The following SBNO2 variants were observed in gnomAD, a reference collection of about 807,000 sequenced individuals.
The protein encoded by SBNO2 is protein strawberry notch homolog 2.
SBNO2 carries 89 observed loss-of-function variants against 146.3 expected under a neutral mutation model. That is an observed-to-expected ratio of 0.61 (90% CI 0.51 to 0.73). The LOEUF (loss-of-function observed/expected upper bound fraction) is 0.73, where lower values mean the gene tolerates loss of function less well. SBNO2 is among the 30% of genes least tolerant of loss of function. The probability of loss-of-function intolerance (pLI) is 0.00; values close to 1 mark genes in which losing one functional copy is unlikely to be tolerated. For missense variants in SBNO2, 2,092 were observed against 2,003.7 expected (o/e 1.04, Z -0.84); for synonymous variants, 1,147 against 892.6 (o/e 1.29, Z -5.08).
rs769582328 is a variant in SBNO2, at chr19:1,115,898, G to A, written c.1885+123C>T. 116 of 803,446 alleles carry A rather than the reference G, an allele frequency of 1.4e-4. No homozygotes were observed. The Admixed American group carries it at 1.9e-3, about 13-fold the overall frequency. 49.8% of individuals were successfully genotyped at this position (803,446 alleles called of 1,614,324 possible). ...GCGGAGCCTTGAGCCTGCCTGGCACGGACAGGACCTGCATTTGGCTGAGTG... is the reference window on the plus strand; with the variant it reads ...GCGGAGCCTTGAGCCTGCCTGGCACAGACAGGACCTGCATTTGGCTGAGTG... On this transcript the variant is annotated intron_variant, in intron 17 of 31. Coordinates refer to ENST00000361757, the MANE Select transcript of SBNO2 (RefSeq NM_014963.3).
rs888698267 is a variant in SBNO2, at chr19:1,126,047, C to T, written c.441+1557G>A. On this transcript the variant is annotated intron_variant, in intron 5 of 31. Transcript: ENST00000361757. The surrounding 1 kb of genome is among the most constrained non-coding windows in gnomAD (Gnocchi z 4.4). Reference sequence around the variant, plus strand: ...AGCATCTCTTCTAGACCCGGTCCCCCCCTTGAACTCCAACGTCCTGAGACG... The same window carrying T: ...AGCATCTCTTCTAGACCCGGTCCCCTCCTTGAACTCCAACGTCCTGAGACG... Among the ~76,000 whole-genome samples the T allele has an allele frequency of 1.3e-5, 2 of 152,188 alleles. No individual in the cohort carries two copies. The highest frequency in any genetic ancestry group is 6.6e-5 in the Admixed American group (1 of 15,266).
Position 1,113,548 on chromosome 19 carries a change from T to TG in SBNO2, c.2233dup (p.Gln745ProfsTer147). 6.3e-7 allele frequency: 1 copy of TG among 1,595,688 alleles called. No homozygotes were observed. The highest frequency in any genetic ancestry group is 8.5e-7 in the Non-Finnish European group (1 of 1,172,884). On this transcript the variant is annotated frameshift_variant, in exon 19 of 32. Transcript: ENST00000361757. LOFTEE classifies it high-confidence loss of function. ...CGTCCCACCCACCTCCGCCACCCGC[T>TG]GGGGGCCGCCCAGCTGGTCGATGAG...
chr19:1,146,066 C>T (rs996916208), intron 4 of SBNO2, among the ~76,000 whole-genome samples: 13 of 152,174 alleles, frequency 8.5e-5, no homozygotes, highest in Non-Finnish European at 1.5e-4. Flanking sequence ...GGCCACACCG[C>T]CCCAGCCCCG....
intron 5 of SBNO2, among the ~76,000 whole-genome samples, chr19:1,125,683 G>GA (rs970234432): frequency 6.3e-5 from 9 of 142,816 alleles, no homozygotes; most frequent in Non-Finnish European, 9.2e-5. Context: ...CTTAAAAAAA[G>GA]AAAAAAAAAA....
intron 1 of SBNO2, among the ~76,000 whole-genome samples, chr19:1,164,399 GA>G (rs2080381479): frequency 1.0e-5 from 1 of 99,390 alleles, no homozygotes. Context: ...GGAGGAGGAG[GA>G]GGAGGAGGAG....
At chr19:1,118,646 A>T (rs2079861213) in intron 14 of SBNO2, among the ~76,000 whole-genome samples, 1 of 152,222 alleles carries the variant, frequency 6.6e-6, no homozygotes, top group Non-Finnish European at 1.5e-5. Context: ...AGGCGGGCAG[A>T]TCACTTGCGG....
rs749333859 is a variant in SBNO2 at position 1,113,603 on chromosome 19, G to A, written c.2179C>T (p.Arg727Trp). 10 of 1,597,138 alleles carry A rather than the reference G, an allele frequency of 6.3e-6. No homozygotes were observed. The Admixed American group carries it at 1.2e-4, about 20-fold the overall frequency. Residue 727 changes from arginine (R) to tryptophan (W), a missense_variant, in exon 19 of 32, where the codon CGG (arginine) becomes TGG (tryptophan). Arg to Trp is a moderately radical substitution (Grantham distance 101). Coordinates refer to ENST00000361757, the MANE Select transcript of SBNO2 (RefSeq NM_014963.3). ...TCCAGGGTGTTGACTGGCAGTTCCCGGCCCAGCCGCCGCACTTTGTCCAGC... is the reference window on the plus strand; with the variant it reads ...TCCAGGGTGTTGACTGGCAGTTCCCAGCCCAGCCGCCGCACTTTGTCCAGC... ...DLLDKVRRLG[R>W]ELPVNTLDEL...
chr19:1,162,010 G>A (rs28398390), intron 1 of SBNO2, among the ~76,000 whole-genome samples: 3,090 of 149,394 alleles, frequency 0.021, 128 homozygotes, highest in African/African-American at 0.073. Flanking sequence ...CAAGGTGAGC[G>A]GGCACGGCCA....
chr19:1,165,521 C>T (rs952534985), intron 1 of SBNO2, among the ~76,000 whole-genome samples: 1 of 152,128 alleles, frequency 6.6e-6, no homozygotes, highest in Non-Finnish European at 1.5e-5. Flanking sequence ...GCAAGAGTCC[C>T]AAGCCAGGAA....
intron 4 of SBNO2, among the ~76,000 whole-genome samples, chr19:1,134,148 CGGGTGG>C (rs1284782215): frequency 9.0e-4 from 113 of 125,036 alleles, no homozygotes; most frequent in African/African-American, 3.8e-3. Flanking sequence ...CCACAGCTCA[CGGGTGG>C]ACTCACAGCT....
At chr19:1,163,465 C>T (rs1251416455) in intron 1 of SBNO2, among the ~76,000 whole-genome samples, 3 of 152,208 alleles carry the variant, frequency 2.0e-5, no homozygotes, top group Non-Finnish European at 4.4e-5. Flanking sequence ...TGCAGCACTG[C>T]TGCGGCCGCC....
At chr19:1,116,394 G>A (rs2079832483) in intron 16 of SBNO2, among the ~76,000 whole-genome samples, 1 of 151,840 alleles carries the variant, frequency 6.6e-6, no homozygotes, top group African/African-American at 2.4e-5. Flanking sequence ...GCAGGGTGAA[G>A]GGGTAGCTGG....
intron 3 of SBNO2, 69 bp downstream of exon 3, chr19:1,149,300 C>T: frequency 7.0e-7 from 1 of 1,436,922 alleles, no homozygotes; most frequent in Non-Finnish European, 9.6e-7. Flanking sequence ...GCACCCAGAA[C>T]TCCGTTTGTA....
chr19:1,122,610 T>TCCCCCCCCCCCCC (rs2079915433), intron 9 of SBNO2, 48 bp downstream of exon 9: 5 of 695,306 alleles, frequency 7.2e-6, no homozygotes, highest in Admixed American at 3.6e-5. Flanking sequence ...GCCCCCCGCT[T>TCCCCCCCCCCCCC]CCGCCCCCCA....
chr19:1,161,678 G>A (rs915119632), intron 1 of SBNO2, among the ~76,000 whole-genome samples: 4 of 151,880 alleles, frequency 2.6e-5, no homozygotes, highest in African/African-American at 4.8e-5. Flanking sequence ...GAACGGCCAC[G>A]TCATACTACG....
At chr19:1,149,798 G>C (rs981295450) in intron 2 of SBNO2, among the ~76,000 whole-genome samples, 1 of 152,206 alleles carries the variant, frequency 6.6e-6, no homozygotes, top group East Asian at 1.9e-4. Flanking sequence ...ACCCTGCTTG[G>C]AGGCCCCATT....
Position 1,108,342 on chromosome 19 carries a change from G to A in SBNO2, c.3979C>T (p.Pro1327Ser), listed in dbSNP as rs1351588266. 7 of 1,321,236 alleles carry A rather than the reference G, an allele frequency of 5.3e-6. No individual in the cohort carries two copies. Among genetic ancestry groups the A allele is most frequent in the Non-Finnish European group, 6.8e-6 (7 of 1,032,434 alleles). 81.8% of individuals were successfully genotyped at this position (1,321,236 alleles called of 1,614,324 possible). The change falls in exon 32 of 32, where the codon CCG becomes TCG. Residue 1327 changes from proline to serine, a missense_variant. Physicochemically the swap from Pro to Ser is moderately conservative, Grantham distance 74. Coordinates refer to ENST00000361757, the MANE Select transcript of SBNO2 (RefSeq NM_014963.3). ...TCCCCCAGCGCGCCCTCGGAGGGCGGCCCCGCGTGCAGCGAGCGCAGCATG... is the reference window on the plus strand; with the variant it reads ...TCCCCCAGCGCGCCCTCGGAGGGCGACCCCGCGTGCAGCGAGCGCAGCATG... Reference protein sequence around the residue: ...EDMLRSLHAGPPSEGALGEGA... With the variant: ...EDMLRSLHAGSPSEGALGEGA...
intron 4 of SBNO2, among the ~76,000 whole-genome samples, chr19:1,142,857 C>T (rs1360267679): frequency 6.6e-6 from 1 of 152,146 alleles, no homozygotes. Flanking sequence ...GTCCCAGCTA[C>T]TTGGTAGGCT....
chr19:1,156,810 G>C (rs1406089256), intron 1 of SBNO2, among the ~76,000 whole-genome samples: 1 of 149,524 alleles, frequency 6.7e-6, no homozygotes, highest in East Asian at 2.0e-4. Context: ...GACAGAAGGG[G>C]ATGCGTGGGT....
Sources: allele counts gnomAD v4.1 joint callset (sites outside exome capture counted in the v4.1 genomes callset), GRCh38; gene constraint gnomAD v4.1.1; non-coding constraint Gnocchi (gnomAD v3.1); transcripts MANE v1.5; gene names NCBI Gene and HGNC (gene_info 2026-07-23, HGNC 2026-07-21).